Variants in KLF12 observed in about 807,000 individuals in gnomAD.
The protein encoded by KLF12 is KLF transcription factor 12, also known as Krueppel-like factor 12.
KLF12 carries 9 observed loss-of-function variants against 37.8 expected under a neutral mutation model. The ratio of observed to expected loss-of-function variants is 0.24; its 90% confidence interval spans 0.14 to 0.42. The LOEUF is 0.42. Ranked by LOEUF, KLF12 falls within the 10% of genes least tolerant of loss-of-function variation. The pLI, the probability that KLF12 is intolerant of heterozygous loss-of-function variation, is 1.00. For missense variants in KLF12, 411 were observed against 516.0 expected, an observed-to-expected ratio of 0.80 and a Z score of 1.97; for synonymous variants, 208 against 202.1, an observed-to-expected ratio of 1.03 and a Z score of -0.25.
the KLF12 span, among the ~76,000 whole-genome samples, chr13:74,232,384 A>G: frequency 6.6e-6 from 1 of 152,260 alleles, no homozygotes; most frequent in East Asian, 1.9e-4. Context: ...TTGTATGTCC[A>G]TTTGGCAGTC....
At chr13:73,753,639 T>G (rs1878942003) in intron 6 of KLF12, among the ~76,000 whole-genome samples, 1 of 149,038 alleles carries the variant, frequency 6.7e-6, no homozygotes. Context: ...ACAAATATTC[T>G]GGAAAAGTGA....
chr13:74,087,098 T>C (rs897493074), intron 1 of KLF12, among the ~76,000 whole-genome samples: 1 of 152,158 alleles, frequency 6.6e-6, no homozygotes, highest in African/African-American at 2.4e-5. Context: ...GAACATTTTG[T>C]TTATGTGCCC....
chr13:74,218,819 G>A, the KLF12 span, among the ~76,000 whole-genome samples: 2 of 152,022 alleles, frequency 1.3e-5, no homozygotes, highest in Non-Finnish European at 2.9e-5. Context: ...AAAAGCTTTT[G>A]TTTTTCCAAT....
intron 3 of KLF12, among the ~76,000 whole-genome samples, chr13:73,849,018 T>A (rs1055098829): frequency 6.6e-6 from 1 of 152,126 alleles, no homozygotes; most frequent in Non-Finnish European, 1.5e-5. Context: ...TCTTATGCAA[T>A]GATTATGGTG....
intron 1 of KLF12, among the ~76,000 whole-genome samples, chr13:73,998,025 T>C (rs1444147847): frequency 6.6e-6 from 1 of 152,188 alleles, no homozygotes; most frequent in Non-Finnish European, 1.5e-5. Context: ...AGAATGATTT[T>C]TAAATTCTTT....
At chr13:74,280,857 A>G in the KLF12 span, among the ~76,000 whole-genome samples, 1 of 115,258 alleles carries the variant, frequency 8.7e-6, no homozygotes, top group African/African-American at 3.5e-5. Context: ...GGACTGTGCC[A>G]TAAAAACTGG....
intron 4 of KLF12, among the ~76,000 whole-genome samples, chr13:73,843,341 G>A (rs1171993661): frequency 6.7e-6 from 1 of 150,190 alleles, no homozygotes; most frequent in Non-Finnish European, 1.5e-5. Flanking sequence ...GTCTCACCCT[G>A]TTGCCCAGGC....
intron 4 of KLF12, among the ~76,000 whole-genome samples, chr13:73,841,725 A>C (rs1418678775): frequency 6.6e-6 from 1 of 152,148 alleles, no homozygotes; most frequent in Non-Finnish European, 1.5e-5. Flanking sequence ...CCGTTGACAA[A>C]AACCGCAATT....
At chr13:74,144,359 A>T in the KLF12 span, among the ~76,000 whole-genome samples, 5 of 152,188 alleles carry the variant, frequency 3.3e-5, no homozygotes, top group Non-Finnish European at 5.9e-5. Context: ...GTTATCAAAG[A>T]TTATGACAAA....
chr13:73,758,092 G>A (rs1879298201), intron 6 of KLF12, among the ~76,000 whole-genome samples: 1 of 151,836 alleles, frequency 6.6e-6, no homozygotes, highest in South Asian at 2.1e-4. Context: ...ACAGGGGTTG[G>A]TCTTGCTATG....
chr13:74,148,621 T>C, the KLF12 span, among the ~76,000 whole-genome samples: 3 of 152,066 alleles, frequency 2.0e-5, no homozygotes, highest in Non-Finnish European at 2.9e-5. Context: ...CTGGCACTGA[T>C]TGATAGCTCA....
intron 3 of KLF12, among the ~76,000 whole-genome samples, chr13:73,877,848 C>G (rs534699172): frequency 6.6e-6 from 1 of 152,122 alleles, no homozygotes; most frequent in Non-Finnish European, 1.5e-5. Flanking sequence ...GCCTCAGCCT[C>G]AAGCCTGGAA....
intron 2 of KLF12, among the ~76,000 whole-genome samples, chr13:73,974,285 A>G (rs2138129905): frequency 6.8e-6 from 1 of 148,138 alleles, no homozygotes; most frequent in South Asian, 2.2e-4. Context: ...AAAAAGTTAT[A>G]TCCTTAAGTC....
intron 1 of KLF12, among the ~76,000 whole-genome samples, chr13:74,122,969 AAAAAAAAAAAGAATGAATTT>A (rs1312011408): frequency 1.3e-5 from 2 of 151,048 alleles, no homozygotes; most frequent in Non-Finnish European, 3.0e-5. Context: ...CTAAAAAAAA[AAAAAAAAAAAGAATGAATTT>A]AAAAGTTTCC....
chr13:73,754,048 A>G (rs981258792), intron 6 of KLF12, among the ~76,000 whole-genome samples: 1 of 152,122 alleles, frequency 6.6e-6, no homozygotes, highest in Non-Finnish European at 1.5e-5. Flanking sequence ...TATTCTCTTC[A>G]TATTTTCTCA....
the KLF12 span, among the ~76,000 whole-genome samples, chr13:74,246,784 C>A: frequency 1.7e-3 from 259 of 152,308 alleles, no homozygotes; most frequent in African/African-American, 5.8e-3. Flanking sequence ...AGTCAGAGGG[C>A]TGTGGCTGTG....
chr13:74,273,594 TACTC>T, the KLF12 span, among the ~76,000 whole-genome samples: 2 of 152,220 alleles, frequency 1.3e-5, no homozygotes, highest in African/African-American at 4.8e-5. Context: ...TAGTCTGCAA[TACTC>T]AGTAAAAATA....
chr13:74,213,359 A>G, the KLF12 span, among the ~76,000 whole-genome samples: 1 of 152,138 alleles, frequency 6.6e-6, no homozygotes, highest in Non-Finnish European at 1.5e-5. Flanking sequence ...TTTTAATAGC[A>G]CAGTGGTTGC....
At chr13:73,732,682 A>G (rs1877156738) in intron 6 of KLF12, among the ~76,000 whole-genome samples, 2 of 152,120 alleles carry the variant, frequency 1.3e-5, no homozygotes, top group African/African-American at 4.8e-5. Flanking sequence ...CTCTTCCTTG[A>G]GTGATCTTGC....
Sources: allele counts gnomAD v4.1 joint callset (sites outside exome capture counted in the v4.1 genomes callset), GRCh38; gene constraint gnomAD v4.1.1; transcripts MANE v1.5; gene names NCBI Gene and HGNC (gene_info 2026-07-23, HGNC 2026-07-21).